CHMP5: variants seen among roughly 807,000 people sequenced by gnomAD.
The protein encoded by CHMP5 is charged multivesicular body protein 5.
In CHMP5, 17 loss-of-function variants were observed where a neutral mutation model predicts 33.0. The observed-to-expected ratio is 0.52, with a 90% confidence interval of 0.35 to 0.77. The LOEUF (loss-of-function observed/expected upper bound fraction) is 0.77. Ranked by LOEUF, CHMP5 falls within the 30% of genes least tolerant of loss-of-function variation. The pLI is 0.01. For missense variants in CHMP5, 216 were observed against 261.5 expected, an observed-to-expected ratio of 0.83 and a Z score of 1.20; for synonymous variants, 76 against 90.2, an observed-to-expected ratio of 0.84 and a Z score of 0.89.
Position 33,265,153 on chromosome 9 carries a change from C to T in CHMP5, c.69+6C>T. On this transcript the variant is annotated splice_donor_region_variant and intron_variant, in intron 1 of 7. Transcript: ENST00000223500. Reference sequence around the variant, plus strand: ...TGACTGACTGCATTGGCACGGTGGGCATTTGATCATGCATAAGTAGGCTCA... The same window carrying T: ...TGACTGACTGCATTGGCACGGTGGGTATTTGATCATGCATAAGTAGGCTCA... 1.9e-6 allele frequency: 3 copies of T among 1,614,016 alleles called. No individual in the cohort carries two copies. The South Asian group carries it at 3.3e-5, about 18-fold the overall frequency.
chr9:33,273,855 C>T (rs867450585), intron 5 of CHMP5, among the ~76,000 whole-genome samples: 13 of 151,732 alleles, frequency 8.6e-5, no homozygotes, highest in Admixed American at 3.9e-4. Context: ...GAAGATGTGT[C>T]TTGATGTGTA....
chr9:33,270,533 T>C (rs1820781498), intron 3 of CHMP5, 90 bp from the exon 4 acceptor site: 1 of 1,055,126 alleles, frequency 9.5e-7, no homozygotes. Context: ...TGTTTTTTTT[T>C]TAAATACTCT....
chr9:33,270,542 C>G (rs1276015052), intron 3 of CHMP5, 81 bp from the exon 4 acceptor site: 2 of 1,090,582 alleles, frequency 1.8e-6, no homozygotes, highest in East Asian at 2.4e-5. Context: ...TTTAAATACT[C>G]TTATTTAGTG....
chr9:33,265,397 C>T (rs1411358940), intron 1 of CHMP5, among the ~76,000 whole-genome samples: 1 of 152,050 alleles, frequency 6.6e-6, no homozygotes, highest in Non-Finnish European at 1.5e-5. Flanking sequence ...ATGCCCATTG[C>T]CCGTCCACTC....
intron 5 of CHMP5, 55 bp downstream of exon 5, chr9:33,271,278 A>G (rs1449635706): frequency 2.1e-6 from 3 of 1,395,796 alleles, no homozygotes; most frequent in Admixed American, 3.4e-5. Context: ...AGAGAATCCA[A>G]ACGAGTGTGC....
chr9:33,265,944 C>A, intron 1 of CHMP5, 66 bp from the exon 2 acceptor site: 1 of 1,027,604 alleles, frequency 9.7e-7, no homozygotes, highest in Non-Finnish European at 1.5e-6. Context: ...TCCTTCCTCT[C>A]TACCTGCCCC....
chr9:33,273,218 C>T (rs1820815735), intron 5 of CHMP5, among the ~76,000 whole-genome samples: 1 of 151,590 alleles, frequency 6.6e-6, no homozygotes, highest in Non-Finnish European at 1.5e-5. Flanking sequence ...GTGATCCGCC[C>T]ACCTCGGCCT....
rs941812226 is a variant in CHMP5, at chr9:33,281,211, A to C, written c.*352A>C. 1 of 187,768 alleles carries C rather than the reference A, an allele frequency of 5.3e-6. No individual in the cohort carries two copies. The highest frequency in any genetic ancestry group is 1.1e-5 in the Non-Finnish European group (1 of 91,728). 11.6% of individuals were successfully genotyped at this position (187,768 alleles called of 1,614,324 possible). On this transcript the variant is annotated 3_prime_UTR_variant, in exon 8 of 8. Transcript: ENST00000223500. ...CTCTACAGTCTCAAAATGACCTGAT[A>C]AATTGATAAGACAAAGATGAGATTA...
intron 6 of CHMP5, among the ~76,000 whole-genome samples, chr9:33,276,877 G>A (rs1820861211): frequency 6.6e-6 from 1 of 152,004 alleles, no homozygotes; most frequent in South Asian, 2.1e-4. Context: ...TTTCCTAGTT[G>A]GAGTCCTCTC....
chr9:33,266,136 G>GCA (rs753809757), intron 2 of CHMP5, 22 bp downstream of exon 2: 33 of 1,529,030 alleles, frequency 2.2e-5, no homozygotes, highest in Non-Finnish European at 2.9e-5. Flanking sequence ...AGCAACTGCT[G>GCA]CACAAGGTGC....
At chr9:33,275,070 C>G (rs1820836608) in intron 5 of CHMP5, among the ~76,000 whole-genome samples, 2 of 152,226 alleles carry the variant, frequency 1.3e-5, no homozygotes, top group Non-Finnish European at 2.9e-5. Flanking sequence ...TTATGCTATA[C>G]CACTTCTTAG....
rs187213879 is a variant in CHMP5 at position 33,281,093 on chromosome 9, G to A, written c.*234G>A. The A allele has an allele frequency of 7.1e-6, 3 of 423,322 alleles. No individual in the cohort carries two copies. Among genetic ancestry groups the A allele is most frequent in the Non-Finnish European group, 8.3e-6 (2 of 240,466 alleles). 26.2% of individuals were successfully genotyped at this position (423,322 alleles called of 1,614,324 possible). On this transcript the variant is annotated 3_prime_UTR_variant, in exon 8 of 8. Transcript: ENST00000223500. Reference sequence around the variant, plus strand: ...TATGAAAAACGAACTCAGTTTAAAAGTATTTTTAGCTCGTATGACTTGTTT... The same window carrying A: ...TATGAAAAACGAACTCAGTTTAAAAATATTTTTAGCTCGTATGACTTGTTT...
intron 5 of CHMP5, among the ~76,000 whole-genome samples, chr9:33,272,234 G>T (rs1820802362): frequency 6.6e-6 from 1 of 151,990 alleles, no homozygotes; most frequent in South Asian, 2.1e-4. Context: ...TGGCGCTCTT[G>T]ACCTTTACCC....
intron 4 of CHMP5, among the ~76,000 whole-genome samples, chr9:33,270,934 T>C (rs1820787114): frequency 6.6e-6 from 1 of 152,024 alleles, no homozygotes; most frequent in Non-Finnish European, 1.5e-5. Context: ...ATACAAAAAT[T>C]AGCTGGGTGT....
rs1820927288 is a variant in CHMP5, at chr9:33,281,990, C to T, written c.*1131C>T. 6.6e-6 allele frequency: 1 copy of T among 152,236 alleles called. No homozygotes were observed. Among genetic ancestry groups the T allele is most frequent in the Non-Finnish European group, 1.5e-5 (1 of 68,048 alleles). The allele number at this position is 152,236 out of a possible 1,614,324, so 9.4% of individuals were successfully genotyped here. ...TTGCCAACAGCATGGCCCCTCCAGC[C>T]TAGCTGGGTGCCTCACAGTGCTATG... On this transcript the variant is annotated 3_prime_UTR_variant, in exon 8 of 8. Coordinates refer to ENST00000223500, the MANE Select transcript of CHMP5 (RefSeq NM_016410.6).
chr9:33,265,635 G>A (rs989695470), intron 1 of CHMP5, among the ~76,000 whole-genome samples: 2 of 152,150 alleles, frequency 1.3e-5, no homozygotes, highest in Admixed American at 6.5e-5. Flanking sequence ...TTAGGGAATG[G>A]CATTAGATCT....
chr9:33,267,834 A>C lies in CHMP5; in HGVS notation c.175-19A>C. 1 of 1,588,220 alleles carries C rather than the reference A, an allele frequency of 6.3e-7. No individual in the cohort carries two copies. Among genetic ancestry groups the C allele is most frequent in the Non-Finnish European group, 8.6e-7 (1 of 1,157,526 alleles). On this transcript the variant is annotated intron_variant, in intron 2 of 7. Transcript: ENST00000223500. ...TGTGTTTTCCACCTTATTTTTATTA[A>C]ATCTGTTTTTCTCTCCAGAATATGG... is the stretch of plus-strand genomic sequence containing the variant.
At chr9:33,271,071 CAAATAAAT>C (rs1034537668) in intron 4 of CHMP5, 73 bp from the exon 5 acceptor site, 13 of 1,155,222 alleles carry the variant, frequency 1.1e-5, no homozygotes, top group Admixed American at 4.1e-5. Flanking sequence ...AACTCTGTCT[CAAATAAAT>C]AAATAAATAA....
chr9:33,273,641 TTG>T (rs1323977272), intron 5 of CHMP5, among the ~76,000 whole-genome samples: 2 of 152,140 alleles, frequency 1.3e-5, no homozygotes, highest in Non-Finnish European at 2.9e-5. Context: ...TATTTTGCTG[TTG>T]TGTGTGTGTA....
Sources: allele counts gnomAD v4.1 joint callset (sites outside exome capture counted in the v4.1 genomes callset), GRCh38; gene constraint gnomAD v4.1.1; transcripts MANE v1.5; gene names NCBI Gene and HGNC (gene_info 2026-07-23, HGNC 2026-07-21).